Variants in PHF21A observed in about 807,000 individuals in gnomAD.
PHF21A encodes the protein BHC80a.
PHF21A carries 11 observed loss-of-function variants against 82.5 expected under a neutral mutation model. That is an observed-to-expected ratio of 0.13 (90% confidence interval 0.08 to 0.22). The LOEUF (loss-of-function observed/expected upper bound fraction) is 0.22, where lower values mean the gene tolerates loss of function less well. Among genes scored for constraint, PHF21A ranks in the 10% least tolerant of loss-of-function variants. The probability of loss-of-function intolerance (pLI) is 1.00; values close to 1 mark genes in which losing one functional copy is unlikely to be tolerated. For missense variants in PHF21A, 579 were observed against 837.8 expected (o/e 0.69, Z 3.81); for synonymous variants, 297 against 302.8 (o/e 0.98, Z 0.20).
intron 6 of PHF21A, among the ~76,000 whole-genome samples, chr11:46,061,992 T>C (rs1161209351): frequency 6.6e-6 from 1 of 152,238 alleles, no homozygotes; most frequent in Admixed American, 6.5e-5. Flanking sequence ...TTTCAGAATT[T>C]GTAAAGCATC....
chr11:45,935,456 C>T, intron 18 of PHF21A, 180 bp downstream of exon 18: 1 of 637,956 alleles, frequency 1.6e-6, no homozygotes, highest in Non-Finnish European at 2.7e-6. Flanking sequence ...TACCAACTGG[C>T]CGCCTGTACC....
chr11:45,953,946 C>T lies in PHF21A; in HGVS notation c.997-321G>A, dbSNP rs186465229. 1.3e-3 allele frequency among the ~76,000 whole-genome samples: 196 copies of T among 152,260 alleles called. 1 individual carries two copies. Among genetic ancestry groups the T allele is most frequent in the Non-Finnish European group, 2.0e-3 (136 of 68,018 alleles). On this transcript the variant is annotated intron_variant, in intron 10 of 18. Transcript: ENST00000676320. ...TACAGGTTGTCCTTTCTGATTTCCA[C>T]GTATTTTAGAATGTGGGGATAGTTG...
At chr11:46,055,732 A>G (rs1420487872) in intron 6 of PHF21A, among the ~76,000 whole-genome samples, 1 of 152,164 alleles carries the variant, frequency 6.6e-6, no homozygotes, top group Non-Finnish European at 1.5e-5. Flanking sequence ...ATTTACATCC[A>G]GACTCCCTGA....
intron 6 of PHF21A, among the ~76,000 whole-genome samples, chr11:46,051,389 G>A (rs534861257): frequency 5.3e-5 from 8 of 152,204 alleles, no homozygotes; most frequent in African/African-American, 1.4e-4. Flanking sequence ...TGTGACAGCC[G>A]GAATGAAAAC....
chr11:46,055,132 C>T (rs1286640693), intron 6 of PHF21A, among the ~76,000 whole-genome samples: 1 of 152,110 alleles, frequency 6.6e-6, no homozygotes, highest in Non-Finnish European at 1.5e-5. Flanking sequence ...ATGGCGAGAA[C>T]TTAAGATACT....
At chr11:46,018,552 T>C (rs2095564877) in intron 6 of PHF21A, among the ~76,000 whole-genome samples, 1 of 152,244 alleles carries the variant, frequency 6.6e-6, no homozygotes. Flanking sequence ...GAAATAGCCG[T>C]CTGTGCATAA....
At chr11:46,078,855 T>C (rs867026208) in intron 5 of PHF21A, among the ~76,000 whole-genome samples, 2 of 152,234 alleles carry the variant, frequency 1.3e-5, no homozygotes, top group Middle Eastern at 3.4e-3. Context: ...ATTTAAGCTA[T>C]ATGACAAGTA....
At chr11:46,015,703 AAC>A (rs1275998629) in intron 6 of PHF21A, among the ~76,000 whole-genome samples, 1 of 152,174 alleles carries the variant, frequency 6.6e-6, no homozygotes, top group Non-Finnish European at 1.5e-5. Flanking sequence ...CAAAGACACA[AAC>A]ACACACATTA....
intron 14 of PHF21A, among the ~76,000 whole-genome samples, chr11:45,947,894 C>G (rs1170586926): frequency 6.6e-6 from 1 of 152,134 alleles, no homozygotes; most frequent in Non-Finnish European, 1.5e-5. Context: ...ACTTGAAGGA[C>G]AGGACTGATG....
At chr11:46,082,911 A>G (rs1235121580) in intron 4 of PHF21A, among the ~76,000 whole-genome samples, 3 of 152,214 alleles carry the variant, frequency 2.0e-5, no homozygotes, top group African/African-American at 7.2e-5. Flanking sequence ...CAGAGGAGGA[A>G]AAACTCCAAA....
chr11:46,110,893 C>T (rs866619444), intron 1 of PHF21A, among the ~76,000 whole-genome samples: 1 of 151,356 alleles, frequency 6.6e-6, no homozygotes, highest in Admixed American at 6.6e-5. Context: ...TCAAGCGATT[C>T]TCCTGCCTCA....
rs1233257137 is a variant in PHF21A at position 46,096,508 on chromosome 11, T to C, written c.-236-4285A>G. Among the ~76,000 whole-genome samples, 5 of 152,240 alleles carry C rather than the reference T, an allele frequency of 3.3e-5. No individual in the cohort carries two copies. The South Asian group carries it at 6.2e-4, about 19-fold the overall frequency. On this transcript the variant is annotated intron_variant, in intron 1 of 18. Transcript: ENST00000676320. ...TGTTAAATCCAACAGAAAATAGTCT[T>C]CACTTCCTTGACCAGTATCTTTTGA... is the stretch of plus-strand genomic sequence containing the variant.
chr11:45,938,224 T>G lies in PHF21A; in HGVS notation c.1541A>C (p.Asp514Ala). 1 of 1,610,258 alleles carries G rather than the reference T, an allele frequency of 6.2e-7. No homozygotes were observed. Residue 514 changes from aspartate to alanine, a missense_variant, in exon 16 of 19, where the codon GAC (aspartate) becomes GCC (alanine). Transcript: ENST00000676320. The part of the protein sequence containing the change: ...CDTCSRVYHL[D>A]CLDPPLKTIP... Reference sequence around the variant, plus strand: ...TGTTTTCAGAGGGGGGTCTAAGCAGTCCAAATGATATACACGGGAACATGT... The same window carrying G: ...TGTTTTCAGAGGGGGGTCTAAGCAGGCCAAATGATATACACGGGAACATGT...
intron 6 of PHF21A, among the ~76,000 whole-genome samples, chr11:46,006,085 G>A (rs1025505469): frequency 6.6e-6 from 1 of 152,140 alleles, no homozygotes. Flanking sequence ...GAGAATTAAA[G>A]AATTAGGATG....
At chr11:45,965,832 G>C (rs757993851) in intron 9 of PHF21A, among the ~76,000 whole-genome samples, 4 of 151,980 alleles carry the variant, frequency 2.6e-5, no homozygotes, top group Admixed American at 1.3e-4. Flanking sequence ...TCTAAACCCT[G>C]AGCTCCCTCT....
chr11:46,022,876 G>GA (rs1170757528), intron 6 of PHF21A, among the ~76,000 whole-genome samples: 1 of 152,094 alleles, frequency 6.6e-6, no homozygotes, highest in South Asian at 2.1e-4. Context: ...TCCACCTCCT[G>GA]AGTAGCTGGG....
At chr11:46,009,773 G>C (rs961802435) in intron 6 of PHF21A, among the ~76,000 whole-genome samples, 1 of 152,104 alleles carries the variant, frequency 6.6e-6, no homozygotes, top group Non-Finnish European at 1.5e-5. Flanking sequence ...AATTCTGCTC[G>C]TTCATTGTTT....
intron 12 of PHF21A, 50 bp downstream of exon 12, chr11:45,950,156 C>T (rs754367741): frequency 2.9e-6 from 4 of 1,380,378 alleles, no homozygotes; most frequent in Non-Finnish European, 4.1e-6. Context: ...TTTTCAGGAA[C>T]AAAGCTGTGG....
At chr11:46,006,441 C>G (rs964840355) in intron 6 of PHF21A, among the ~76,000 whole-genome samples, 2 of 152,238 alleles carry the variant, frequency 1.3e-5, no homozygotes, top group Non-Finnish European at 1.5e-5. Flanking sequence ...AATCTGCCCT[C>G]AGTGTTCTAT....
Sources: allele counts gnomAD v4.1 joint callset (sites outside exome capture counted in the v4.1 genomes callset), GRCh38; gene constraint gnomAD v4.1.1; transcripts MANE v1.5; gene names NCBI Gene and HGNC (gene_info 2026-07-23, HGNC 2026-07-21).